Variants in PLCG2 observed in about 807,000 individuals in gnomAD.
PLCG2 encodes phospholipase C gamma 2, also known as 1-phosphatidylinositol 4,5-bisphosphate phosphodiesterase gamma-2.
A neutral mutation model predicts 175.6 loss-of-function variants in PLCG2; 69 were observed. That is an observed-to-expected ratio of 0.39 (90% CI 0.32 to 0.48). The LOEUF (loss-of-function observed/expected upper bound fraction) is 0.48. Among genes scored for constraint, PLCG2 ranks in the 20% least tolerant of loss-of-function variants. PLCG2 has a pLI of 0.91. For missense variants in PLCG2, 1,798 were observed against 1,650.9 expected (o/e 1.09, Z -1.54); for synonymous variants, 827 against 624.0 (o/e 1.33, Z -4.85).
At chr16:81,844,287 C>A (rs980829388) in intron 2 of PLCG2, among the ~76,000 whole-genome samples, 1 of 151,332 alleles carries the variant, frequency 6.6e-6, no homozygotes, top group Non-Finnish European at 1.5e-5. Context: ...GCCACCGCGC[C>A]CGGGCACCTT....
At chr16:81,929,124 C>G (rs953509038) in intron 24 of PLCG2, among the ~76,000 whole-genome samples, 1 of 152,188 alleles carries the variant, frequency 6.6e-6, no homozygotes, top group Non-Finnish European at 1.5e-5. Context: ...CATGCTGCAA[C>G]GGGATGTGAA....
intron 2 of PLCG2, among the ~76,000 whole-genome samples, chr16:81,805,767 G>GTTTTGTTTTGTTTTTTTTT (rs1555508066): frequency 2.5e-5 from 1 of 39,520 alleles, no homozygotes; most frequent in African/African-American, 1.2e-4. Flanking sequence ...GTTTTGTTTT[G>GTTTTGTTTTGTTTTTTTTT]TTTTTTTTTT....
chr16:81,774,864 C>T (rs13339403), upstream of PLCG2, among the ~76,000 whole-genome samples: 20,528 of 151,798 alleles, frequency 0.14, 1,491 homozygotes, highest in African/African-American at 0.18. Context: ...CTTGCCTCAG[C>T]TTCCCGAGTA....
chr16:81,764,350 G>T (rs950755185), intron 2 of PLCG2, among the ~76,000 whole-genome samples: 3 of 152,152 alleles, frequency 2.0e-5, no homozygotes, highest in African/African-American at 7.2e-5. Flanking sequence ...AGATCTGGCA[G>T]ATTCAAGGAA....
intron 30 of PLCG2, among the ~76,000 whole-genome samples, chr16:81,944,867 A>C (rs1448827984): frequency 6.6e-6 from 1 of 152,188 alleles, no homozygotes; most frequent in African/African-American, 2.4e-5. Flanking sequence ...ATCAAGGGCC[A>C]ACTGTAGAGT....
chr16:81,868,821 G>C (rs1229649747), intron 5 of PLCG2, among the ~76,000 whole-genome samples: 3 of 152,236 alleles, frequency 2.0e-5, no homozygotes, highest in African/African-American at 7.2e-5. Context: ...GAAGGGTGGA[G>C]ACCAGCCCTT....
chr16:81,919,360 C>A, intron 19 of PLCG2, 124 bp from the exon 20 acceptor site: 1 of 686,552 alleles, frequency 1.5e-6, no homozygotes, highest in Non-Finnish European at 2.6e-6. Context: ...AGGACTATAC[C>A]CTGTTTATTT....
chr16:81,854,323 C>G (rs1597356115), intron 2 of PLCG2, 121 bp from the exon 3 acceptor site: 1 of 868,214 alleles, frequency 1.2e-6, no homozygotes, highest in South Asian at 1.5e-5. Flanking sequence ...GCAGAGATAG[C>G]TTTGCGGGAT....
chr16:81,939,024 T>A, intron 29 of PLCG2, 109 bp downstream of exon 29: 1 of 672,890 alleles, frequency 1.5e-6, no homozygotes, highest in South Asian at 1.8e-5. Context: ...GTCCCAGGGT[T>A]TTCTTTCCTC....
intron 2 of PLCG2, among the ~76,000 whole-genome samples, chr16:81,807,468 C>A (rs772689405): frequency 1.3e-5 from 2 of 152,180 alleles, no homozygotes; most frequent in Non-Finnish European, 2.9e-5. Context: ...GCCCATCAAG[C>A]CCCCACATCG....
At chr16:81,826,049 C>T (rs878939071) in intron 2 of PLCG2, among the ~76,000 whole-genome samples, 1 of 152,174 alleles carries the variant, frequency 6.6e-6, no homozygotes, top group African/African-American at 2.4e-5. Context: ...ATATTTCAAA[C>T]TCAACGTGTC....
intron 2 of PLCG2, among the ~76,000 whole-genome samples, chr16:81,820,976 A>G (rs1296902363): frequency 6.7e-6 from 1 of 148,848 alleles, no homozygotes; most frequent in African/African-American, 2.5e-5. Context: ...AGGCTGGTCT[A>G]GAACTCCTGA....
chr16:81,763,579 G>A (rs919762650), intron 2 of PLCG2, among the ~76,000 whole-genome samples: 2 of 152,236 alleles, frequency 1.3e-5, no homozygotes, highest in African/African-American at 2.4e-5. Flanking sequence ...GTCTTCTAAC[G>A]TCATCTTGGG....
At position 81,802,093 on chromosome 16, in the gene PLCG2, C is replaced by CTTTTTTTTTTTTTTTT. The variant is rs1157731599; in HGVS notation, c.193+15934_193+15949dup. ...GTTAGCTCCTTCAGGTGAGTACAGT[C>CTTTTTTTTTTTTTTTT]TTTTTTTTTTTTTTTTTTTTTTTTT... is the stretch of plus-strand genomic sequence containing the variant. On this transcript the variant is annotated intron_variant, in intron 2 of 32. Transcript: ENST00000564138. Among the ~76,000 whole-genome samples the CTTTTTTTTTTTTTTTT allele has an allele frequency of 1.0e-3, 41 of 40,016 alleles. 17 individuals are homozygous for CTTTTTTTTTTTTTTTT. Among genetic ancestry groups the CTTTTTTTTTTTTTTTT allele is most frequent in the East Asian group, 6.6e-3 (5 of 760 alleles). 26.3% of individuals were successfully genotyped at this position (40,016 alleles called of 152,430 possible).
chr16:81,784,028 G>T (rs1910861168), intron 1 of PLCG2, among the ~76,000 whole-genome samples: 1 of 152,098 alleles, frequency 6.6e-6, no homozygotes, highest in African/African-American at 2.4e-5. Flanking sequence ...TCTGCCCGCC[G>T]TGCCCCCAGT....
intron 2 of PLCG2, among the ~76,000 whole-genome samples, chr16:81,828,471 C>T (rs1363926897): frequency 6.6e-6 from 1 of 152,002 alleles, no homozygotes; most frequent in Non-Finnish European, 1.5e-5. Flanking sequence ...ATCTCCTGAC[C>T]TCGTGATCCA....
chr16:81,844,248 C>G (rs1026214885), intron 2 of PLCG2, among the ~76,000 whole-genome samples: 2 of 151,582 alleles, frequency 1.3e-5, no homozygotes, highest in Admixed American at 6.6e-5. Flanking sequence ...CCGCCTCGGC[C>G]TCCCAAAGTG....
chr16:81,950,367 T>C (rs992393466), intron 31 of PLCG2, among the ~76,000 whole-genome samples: 1 of 152,210 alleles, frequency 6.6e-6, no homozygotes, highest in Non-Finnish European at 1.5e-5. Context: ...GCTTGTTTTC[T>C]AAAGGGATAT....
At chr16:81,923,214 TAGCCCCA>T (rs1910127462) in intron 21 of PLCG2, among the ~76,000 whole-genome samples, 1 of 149,186 alleles carries the variant, frequency 6.7e-6, no homozygotes, top group East Asian at 2.0e-4. Context: ...CGCTAAACCC[TAGCCCCA>T]AACCCTAACT....
Sources: allele counts gnomAD v4.1 joint callset (sites outside exome capture counted in the v4.1 genomes callset), GRCh38; gene constraint gnomAD v4.1.1; transcripts MANE v1.5; gene names NCBI Gene and HGNC (gene_info 2026-07-23, HGNC 2026-07-21).